Variants in ARID5B observed in about 807,000 individuals in gnomAD.
ARID5B encodes the protein AT-rich interaction domain 5B.
In ARID5B, 13 loss-of-function variants were observed where a neutral mutation model predicts 97.2. The observed-to-expected ratio is 0.13, with a 90% CI of 0.09 to 0.21. The LOEUF is 0.21. ARID5B is among the 10% of genes least tolerant of loss of function. ARID5B has a pLI of 1.00. For synonymous variants in ARID5B, 556 were observed against 570.3 expected (o/e 0.97, Z 0.36); for missense variants, 1,210 against 1,465.3 (o/e 0.83, Z 2.84).
intron 3 of ARID5B, among the ~76,000 whole-genome samples, chr10:61,984,409 A>T (rs141104695): frequency 1.3e-5 from 2 of 152,342 alleles, no homozygotes; most frequent in African/African-American, 4.8e-5. Flanking sequence ...GCATATCTAC[A>T]TAAGGAGACT....
intron 2 of ARID5B, among the ~76,000 whole-genome samples, chr10:61,903,853 T>G (rs1313744407): frequency 6.6e-6 from 1 of 151,800 alleles, no homozygotes; most frequent in African/African-American, 2.4e-5. Context: ...CGAATCTGCC[T>G]TTTCGGAAAT....
At chr10:61,992,640 C>T (rs939328087) in intron 3 of ARID5B, among the ~76,000 whole-genome samples, 6 of 152,090 alleles carry the variant, frequency 3.9e-5, no homozygotes, top group Non-Finnish European at 8.8e-5. Flanking sequence ...TTTTCGTTGC[C>T]TATCCTGGGA....
chr10:62,013,348 T>C (rs1232338929), intron 4 of ARID5B, among the ~76,000 whole-genome samples: 3 of 152,192 alleles, frequency 2.0e-5, no homozygotes, highest in Admixed American at 6.5e-5. Context: ...ATGTCTATCA[T>C]GTACAATGTG....
At chr10:62,087,463 A>C (rs570412719) in intron 9 of ARID5B, among the ~76,000 whole-genome samples, 1 of 151,772 alleles carries the variant, frequency 6.6e-6, no homozygotes, top group Admixed American at 6.6e-5. Context: ...TACCCCCAGC[A>C]TGTAGCCAGT....
chr10:61,917,871 G>C (rs912029943), intron 2 of ARID5B, among the ~76,000 whole-genome samples: 1 of 152,162 alleles, frequency 6.6e-6, no homozygotes, highest in Admixed American at 6.5e-5. Flanking sequence ...ATTTAGGCTT[G>C]AGGAGGGAGG....
At chr10:62,026,088 G>A (rs1839417239) in intron 4 of ARID5B, among the ~76,000 whole-genome samples, 1 of 152,204 alleles carries the variant, frequency 6.6e-6, no homozygotes, top group Non-Finnish European at 1.5e-5. Flanking sequence ...CACTCTTTCA[G>A]TCGGGTTCAG....
intron 2 of ARID5B, among the ~76,000 whole-genome samples, chr10:61,928,233 C>T (rs16916871): frequency 0.021 from 3,180 of 152,202 alleles, 123 homozygotes; most frequent in African/African-American, 0.071. Flanking sequence ...GTATCTCTTA[C>T]GATTCCTTTA....
In ARID5B at chr10:61,972,225, C is replaced by CTTT. The variant is rs71022106; in HGVS notation, c.503-27849_503-27847dup. The stretch of plus-strand genomic sequence containing the variant: ...ACTGTATCTCTAGTCTTATATCATG[C>CTTT]TTTTTTTTTTTTTTTTTTTGAGACA... On this transcript the variant is annotated intron_variant, in intron 3 of 9. Transcript: ENST00000279873. Among the ~76,000 whole-genome samples, 351 of 112,670 alleles carry CTTT rather than the reference C, an allele frequency of 3.1e-3. 9 individuals carry two copies. Among genetic ancestry groups the CTTT allele is most frequent in the Non-Finnish European group, 4.2e-3 (241 of 57,224 alleles). 73.9% of individuals were successfully genotyped at this position (112,670 alleles called of 152,430 possible).
chr10:62,000,435 G>T lies in ARID5B; in HGVS notation c.733+114G>T. On this transcript the variant is annotated intron_variant, in intron 4 of 9. Transcript: ENST00000279873. This position sits in a 1 kb window ranked among gnomAD's most constrained non-coding sequence, Gnocchi z 4.4. ...GGGCTCACTTTCACAAGCCCCATGTGCTGCCCCACCCCTCCCATCCCCCAA... is the reference window on the plus strand; with the variant it reads ...GGGCTCACTTTCACAAGCCCCATGTTCTGCCCCACCCCTCCCATCCCCCAA... 1.0e-6 allele frequency: 1 copy of T among 975,690 alleles called. No individual in the cohort carries two copies. The highest frequency in any genetic ancestry group is 1.5e-6 in the Non-Finnish European group (1 of 668,798). The allele number at this position is 975,690 out of a possible 1,614,324, so 60.4% of individuals were successfully genotyped here.
intron 4 of ARID5B, among the ~76,000 whole-genome samples, chr10:62,015,742 G>T (rs930451550): frequency 4.6e-5 from 7 of 152,100 alleles, no homozygotes; most frequent in Admixed American, 6.5e-5. Flanking sequence ...TCCCACCTCA[G>T]CCTCCTGAGT....
intron 7 of ARID5B, among the ~76,000 whole-genome samples, chr10:62,061,348 G>C (rs1294775730): frequency 2.6e-5 from 4 of 152,204 alleles, no homozygotes; most frequent in Admixed American, 6.5e-5. Context: ...TCCAGAAAGA[G>C]AGAATGAATC....
chr10:62,042,039 C>A (rs1839644799), intron 4 of ARID5B, among the ~76,000 whole-genome samples: 1 of 152,106 alleles, frequency 6.6e-6, no homozygotes, highest in Admixed American at 6.6e-5. Context: ...ATCTGTACAA[C>A]CTTCAGAAAT....
chr10:61,935,288 C>G (rs1434043326), intron 2 of ARID5B, among the ~76,000 whole-genome samples: 3 of 152,030 alleles, frequency 2.0e-5, no homozygotes, highest in Non-Finnish European at 4.4e-5. Context: ...TTTGTAATCA[C>G]CAAAATTGAA....
chr10:61,948,969 C>T (rs533323330), intron 3 of ARID5B, among the ~76,000 whole-genome samples: 1 of 152,326 alleles, frequency 6.6e-6, no homozygotes, highest in South Asian at 2.1e-4. Context: ...TGTTTTTATA[C>T]ACAGTAATAT....
At position 62,093,074 on chromosome 10, in the gene ARID5B, C is replaced by T. The variant is rs748069451; in HGVS notation, c.*44C>T. 1 of 1,555,382 alleles carries T rather than the reference C, an allele frequency of 6.4e-7. No homozygotes were observed. The highest frequency in any genetic ancestry group is 1.9e-5 in the Admixed American group (1 of 53,352). ...GTCCAAAGCGGCATGGCCAACAGAG[C>T]TTCACTCCTTACCCAGGAGTGCTGG... On this transcript the variant is annotated 3_prime_UTR_variant, in exon 10 of 10. Transcript: ENST00000279873.
chr10:61,966,947 G>C (rs888039625), intron 3 of ARID5B, among the ~76,000 whole-genome samples: 1 of 151,882 alleles, frequency 6.6e-6, no homozygotes, highest in Non-Finnish European at 1.5e-5. Flanking sequence ...AATTCTGCCC[G>C]CATTTTATTA....
At chr10:62,017,658 A>G (rs554893031) in intron 4 of ARID5B, among the ~76,000 whole-genome samples, 4 of 152,296 alleles carry the variant, frequency 2.6e-5, no homozygotes, top group African/African-American at 9.6e-5. Context: ...TGTGCAAGTG[A>G]TATTTCTTAA....
intron 3 of ARID5B, among the ~76,000 whole-genome samples, chr10:61,968,678 A>C (rs1838581625): frequency 6.6e-6 from 1 of 152,216 alleles, no homozygotes; most frequent in Non-Finnish European, 1.5e-5. Flanking sequence ...CATTTATGAT[A>C]CAGTGCCCTT....
chr10:62,064,835 A>G (rs945325934), intron 7 of ARID5B, among the ~76,000 whole-genome samples: 1 of 152,102 alleles, frequency 6.6e-6, no homozygotes, highest in Non-Finnish European at 1.5e-5. Context: ...GTGCAGTGGC[A>G]TGATCTTGGC....
Sources: allele counts gnomAD v4.1 joint callset (sites outside exome capture counted in the v4.1 genomes callset), GRCh38; gene constraint gnomAD v4.1.1; non-coding constraint Gnocchi (gnomAD v3.1); transcripts MANE v1.5; gene names NCBI Gene and HGNC (gene_info 2026-07-23, HGNC 2026-07-21).